PHACTR1: variants seen among roughly 807,000 people sequenced by gnomAD.
PHACTR1 encodes RPEL repeat containing 1.
In PHACTR1, 16 loss-of-function variants were observed where a neutral mutation model predicts 69.2. That is an observed-to-expected ratio of 0.23 (90% CI 0.16 to 0.35). PHACTR1 has a LOEUF of 0.35. PHACTR1 is among the 10% of genes least tolerant of loss of function. The probability of loss-of-function intolerance (pLI) is 1.00; values close to 1 mark genes in which losing one functional copy is unlikely to be tolerated. For synonymous variants in PHACTR1, 312 were observed against 284.5 expected (o/e 1.10, Z -0.97); for missense variants, 510 against 734.7 (o/e 0.69, Z 3.54).
intron 4 of PHACTR1, among the ~76,000 whole-genome samples, chr6:12,807,945 T>G (rs571515919): frequency 1.3e-5 from 2 of 152,344 alleles, no homozygotes; most frequent in African/African-American, 4.8e-5. Context: ...GAGTAAAGAT[T>G]TAGATACTCA....
At chr6:12,805,174 A>C (rs1251300230) in intron 4 of PHACTR1, among the ~76,000 whole-genome samples, 4 of 152,094 alleles carry the variant, frequency 2.6e-5, no homozygotes, top group Non-Finnish European at 5.9e-5. Flanking sequence ...GAAGGAAATG[A>C]CTCATCTGTG....
intron 5 of PHACTR1, among the ~76,000 whole-genome samples, chr6:13,089,336 G>T (rs1408838868): frequency 1.3e-5 from 2 of 152,150 alleles, no homozygotes; most frequent in Admixed American, 1.3e-4. Context: ...TTCTGAGAGG[G>T]TGCAGGCTCT....
intron 4 of PHACTR1, among the ~76,000 whole-genome samples, chr6:12,786,681 G>A (rs989812668): frequency 1.3e-5 from 2 of 152,334 alleles, no homozygotes; most frequent in Non-Finnish European, 2.9e-5. Context: ...AGCTGGTTCA[G>A]GCGTACAAGA....
intron 12 of PHACTR1, chr6:13,280,779 G>C (rs1320390263): frequency 2.6e-6 from 1 of 383,746 alleles, no homozygotes; most frequent in Non-Finnish European, 4.9e-6. Flanking sequence ...AGCACTTTGG[G>C]AGGCCGAGGC....
At chr6:13,155,003 A>G (rs776221915) in intron 5 of PHACTR1, among the ~76,000 whole-genome samples, 2 of 151,902 alleles carry the variant, frequency 1.3e-5, no homozygotes, top group Non-Finnish European at 2.9e-5. Flanking sequence ...ACCAGGTCCA[A>G]TGGTTGTCCC....
chr6:12,928,675 G>T (rs1015716284), intron 4 of PHACTR1, among the ~76,000 whole-genome samples: 3 of 132,668 alleles, frequency 2.3e-5, no homozygotes, highest in African/African-American at 8.8e-5. Flanking sequence ...GTCCTATGTG[G>T]CAGGCATCGT....
chr6:13,165,690 G>C (rs1759695643), intron 6 of PHACTR1, among the ~76,000 whole-genome samples: 1 of 152,152 alleles, frequency 6.6e-6, no homozygotes, highest in African/African-American at 2.4e-5. Context: ...ACCTCTTGTG[G>C]GAGGTGATAT....
chr6:13,113,665 A>C (rs768335518), intron 5 of PHACTR1, among the ~76,000 whole-genome samples: 1 of 152,212 alleles, frequency 6.6e-6, no homozygotes, highest in Non-Finnish European at 1.5e-5. Context: ...AATGGGAGGA[A>C]GCATCACTTT....
chr6:13,140,990 T>C (rs1822348592), intron 5 of PHACTR1, among the ~76,000 whole-genome samples: 1 of 152,228 alleles, frequency 6.6e-6, no homozygotes, highest in African/African-American at 2.4e-5. Flanking sequence ...GATTGATCTG[T>C]TTTCATCACT....
chr6:13,261,574 G>A (rs1241949978), intron 10 of PHACTR1, among the ~76,000 whole-genome samples: 1 of 152,212 alleles, frequency 6.6e-6, no homozygotes, highest in Non-Finnish European at 1.5e-5. Flanking sequence ...AGGGTGTTCT[G>A]TGCACCTGCT....
chr6:13,080,390 C>G (rs1425056736), intron 5 of PHACTR1, among the ~76,000 whole-genome samples: 1 of 152,106 alleles, frequency 6.6e-6, no homozygotes, highest in African/African-American at 2.4e-5. Context: ...AGTTTTTACC[C>G]AGCTGGTTTA....
chr6:12,744,558 T>C (rs894120142), intron 3 of PHACTR1, among the ~76,000 whole-genome samples: 2 of 152,156 alleles, frequency 1.3e-5, no homozygotes, highest in Admixed American at 6.5e-5. Context: ...CCTTCATGTT[T>C]CGTAAGGAAG....
chr6:12,741,664 T>G (rs1765063277), intron 3 of PHACTR1, among the ~76,000 whole-genome samples: 1 of 152,078 alleles, frequency 6.6e-6, no homozygotes, highest in Admixed American at 6.6e-5. Context: ...TAAGTCTTGA[T>G]ATCTTCTACT....
chr6:12,833,691 C>CAT (rs1027478998), intron 4 of PHACTR1, among the ~76,000 whole-genome samples: 88 of 152,324 alleles, frequency 5.8e-4, no homozygotes, highest in African/African-American at 2.0e-3. Context: ...CTTACATATA[C>CAT]ACACATGGAC....
At chr6:13,153,013 G>A (rs1018646717) in intron 5 of PHACTR1, among the ~76,000 whole-genome samples, 4 of 152,098 alleles carry the variant, frequency 2.6e-5, no homozygotes, top group Admixed American at 6.5e-5. Context: ...GGTGCACAGC[G>A]ACTGGGAATG....
intron 4 of PHACTR1, among the ~76,000 whole-genome samples, chr6:12,921,817 A>AGAAGGAAGGGAGGGAGGGAGGGG (rs1787744359): frequency 3.5e-4 from 1 of 2,848 alleles, no homozygotes; most frequent in African/African-American, 8.9e-4. Context: ...GGAGGGAGCA[A>AGAAGGAAGGGAGGGAGGGAGGGG]GGGGGAAGGA....
intron 13 of PHACTR1, among the ~76,000 whole-genome samples, chr6:13,285,245 C>A (rs2036031411): frequency 6.6e-6 from 1 of 152,174 alleles, no homozygotes; most frequent in Non-Finnish European, 1.5e-5. Flanking sequence ...CATGGGGTGA[C>A]CCCTGCCCCC....
chr6:13,285,442 G>A (rs530580321), intron 13 of PHACTR1, among the ~76,000 whole-genome samples: 250 of 152,238 alleles, frequency 1.6e-3, no homozygotes, highest in Non-Finnish European at 2.8e-3. Flanking sequence ...TTCCACCCTT[G>A]AGGAAGGAGT....
intron 4 of PHACTR1, among the ~76,000 whole-genome samples, chr6:12,992,898 T>C (rs922369676): frequency 6.6e-6 from 1 of 152,232 alleles, no homozygotes; most frequent in African/African-American, 2.4e-5. Context: ...GCCATTTACA[T>C]AGTGCGTGAA....
Sources: allele counts gnomAD v4.1 joint callset (sites outside exome capture counted in the v4.1 genomes callset), GRCh38; gene constraint gnomAD v4.1.1; transcripts MANE v1.5; gene names NCBI Gene and HGNC (gene_info 2026-07-23, HGNC 2026-07-21).